Variants in FANCB observed in about 807,000 individuals in gnomAD.
The protein encoded by FANCB is Fanconi anemia group B protein.
A neutral mutation model predicts 38.9 loss-of-function variants in FANCB; 5 were observed. The ratio of observed to expected loss-of-function variants is 0.13; its 90% CI spans 0.07 to 0.27. The LOEUF (loss-of-function observed/expected upper bound fraction) is 0.27, where lower values mean the gene tolerates loss of function less well. Ranked by LOEUF, FANCB falls within the 10% of genes least tolerant of loss-of-function variation. FANCB has a pLI of 1.00. For synonymous variants in FANCB, 236 were observed against 215.4 expected (o/e 1.10, Z -0.84); for missense variants, 573 against 602.7 (o/e 0.95, Z 0.52).
the FANCB span, among the ~76,000 whole-genome samples, chrX:14,814,655 A>G: frequency 1.4e-4 from 16 of 112,519 alleles, no homozygotes; most frequent in African/African-American, 5.2e-4. Flanking sequence ...GGCAATCATT[A>G]AAAAATCAGG....
At position 14,861,073 on chromosome X, in the gene FANCB, G is replaced by A. The variant is rs2092444630; in HGVS notation, c.952-1739C>T. On this transcript the variant is annotated intron_variant, in intron 3 of 9. Coordinates refer to ENST00000650831, the MANE Select transcript of FANCB (RefSeq NM_001018113.3). ...AATTTTTTAATTTTTTGTACAGATGGGGGTCTCACTATGTTGCCCAGGCCG... is the reference window on the plus strand; with the variant it reads ...AATTTTTTAATTTTTTGTACAGATGAGGGTCTCACTATGTTGCCCAGGCCG... Among the ~76,000 whole-genome samples the A allele has an allele frequency of 2.7e-5, 3 of 110,644 alleles. No homozygotes were observed. In the Admixed American group the frequency reaches 2.9e-4, roughly 11 times the overall value.
the FANCB span, among the ~76,000 whole-genome samples, chrX:14,827,569 A>T: frequency 8.9e-6 from 1 of 111,826 alleles, no homozygotes; most frequent in African/African-American, 3.2e-5. Flanking sequence ...TTCAGTACCT[A>T]AAAGTACCAA....
the FANCB span, among the ~76,000 whole-genome samples, chrX:14,763,039 T>C: frequency 1.8e-5 from 2 of 111,988 alleles, no homozygotes; most frequent in African/African-American, 6.5e-5. Flanking sequence ...CTCTGAATAT[T>C]TGTACTTCAG....
chrX:14,869,759 G>C (rs986451896), intron 1 of FANCB, among the ~76,000 whole-genome samples: 5 of 111,860 alleles, frequency 4.5e-5, no homozygotes, highest in African/African-American at 1.6e-4. Context: ...CATATGAATG[G>C]TGTAGAGAAA....
chrX:14,731,072 A>G, the FANCB span: 2 of 112,233 alleles, frequency 1.8e-5, no homozygotes, highest in South Asian at 7.4e-4. Context: ...TGTTCTTTAC[A>G]ATGTCTGTAA....
chrX:14,738,291 G>A, the FANCB span, among the ~76,000 whole-genome samples: 13 of 112,031 alleles, frequency 1.2e-4, no homozygotes, highest in Non-Finnish European at 1.7e-4. Flanking sequence ...CCCTTATAAC[G>A]TTACTGGGGA....
chrX:14,753,026 C>A, the FANCB span, among the ~76,000 whole-genome samples: 1 of 103,536 alleles, frequency 9.7e-6, no homozygotes, highest in South Asian at 4.2e-4. Context: ...CACACACACA[C>A]ACATTAGTTT....
the FANCB span, chrX:14,730,313 C>T: frequency 8.3e-7 from 1 of 1,210,556 alleles, no homozygotes; most frequent in African/African-American, 1.7e-5. Flanking sequence ...CCTGCCAACC[C>T]ACTCCCACAA....
chrX:14,697,784 C>G, the FANCB span, among the ~76,000 whole-genome samples: 3 of 111,854 alleles, frequency 2.7e-5, no homozygotes, highest in African/African-American at 9.8e-5. Context: ...GTTCTGTACA[C>G]ATAAAAAGGA....
At chrX:14,693,129 A>G in the FANCB span, among the ~76,000 whole-genome samples, 4,921 of 111,262 alleles carry the variant, frequency 0.044, 115 homozygotes, top group Middle Eastern at 0.065. Context: ...ACCCAAATAT[A>G]TTATAAATGC....
the FANCB span, among the ~76,000 whole-genome samples, chrX:14,719,045 G>A: frequency 2.9e-4 from 32 of 111,492 alleles, no homozygotes; most frequent in Middle Eastern, 4.6e-3. Context: ...CACCCTCTTC[G>A]CACAACAATT....
intron 7 of FANCB, among the ~76,000 whole-genome samples, chrX:14,845,615 T>A (rs1468892385): frequency 9.0e-6 from 1 of 111,459 alleles, no homozygotes; most frequent in Non-Finnish European, 1.9e-5. Context: ...GATAAAGGAA[T>A]GGCAAAATAA....
At chrX:14,811,233 C>T in the FANCB span, among the ~76,000 whole-genome samples, 3 of 111,363 alleles carry the variant, frequency 2.7e-5, no homozygotes, top group Non-Finnish European at 3.8e-5. Flanking sequence ...TAAAGACCAT[C>T]GAGGCTAGGA....
chrX:14,870,169 T>A (rs1016858502), intron 1 of FANCB, among the ~76,000 whole-genome samples: 1 of 111,881 alleles, frequency 8.9e-6, no homozygotes, highest in Non-Finnish European at 1.9e-5. Flanking sequence ...TGCTGCAACA[T>A]CTATTTTTAA....
At chrX:14,802,747 T>G in the FANCB span, among the ~76,000 whole-genome samples, 1 of 111,995 alleles carries the variant, frequency 8.9e-6, no homozygotes, top group Non-Finnish European at 1.9e-5. Flanking sequence ...TAACCCCCGA[T>G]GCTTCTTGAT....
the FANCB span, among the ~76,000 whole-genome samples, chrX:14,697,480 A>C: frequency 9.4e-6 from 1 of 106,203 alleles, no homozygotes; most frequent in African/African-American, 3.9e-5. Context: ...AAATAATAAT[A>C]ATCACTACTA....
the FANCB span, among the ~76,000 whole-genome samples, chrX:14,758,459 C>T: frequency 4.5e-5 from 5 of 111,851 alleles, no homozygotes; most frequent in African/African-American, 1.6e-4. Context: ...AGGACCCTCA[C>T]AGAGTCCACA....
intron 1 of FANCB, among the ~76,000 whole-genome samples, chrX:14,870,405 C>T (rs1469865311): frequency 1.8e-5 from 2 of 109,687 alleles, no homozygotes; most frequent in African/African-American, 6.7e-5. Context: ...ATAACAGTGG[C>T]TGCAGAAGAT....
chrX:14,844,460 C>T (rs764440863), intron 9 of FANCB, 43 bp downstream of exon 9: 29 of 937,182 alleles, frequency 3.1e-5, no homozygotes, highest in Non-Finnish European at 4.3e-5. Flanking sequence ...CACACTCATA[C>T]ACACTCACTT....
Sources: allele counts gnomAD v4.1 joint callset (sites outside exome capture counted in the v4.1 genomes callset), GRCh38; gene constraint gnomAD v4.1.1; transcripts MANE v1.5; gene names NCBI Gene and HGNC (gene_info 2026-07-23, HGNC 2026-07-21).